Variants in RBFOX1 observed in about 807,000 individuals in gnomAD.
RBFOX1 encodes the protein RNA binding fox-1 homolog 1, also known as RNA binding protein fox-1 homolog 1.
In RBFOX1, 8 loss-of-function variants were observed where a neutral mutation model predicts 57.7. That is an observed-to-expected ratio of 0.14 (90% CI 0.08 to 0.25). RBFOX1 has a LOEUF of 0.25. Ranked by LOEUF, RBFOX1 falls within the 10% of genes least tolerant of loss-of-function variation. The pLI is 1.00. For synonymous variants in RBFOX1, 326 were observed against 222.4 expected, an observed-to-expected ratio of 1.47 and a Z score of -4.15; for missense variants, 611 against 548.5, an observed-to-expected ratio of 1.11 and a Z score of -1.14.
Position 5,816,748 on chromosome 16 carries a change from T to G in RBFOX1, c.319-50555T>G, listed in dbSNP as rs112017058. Among the ~76,000 whole-genome samples, 88 of 152,298 alleles carry G rather than the reference T, an allele frequency of 5.8e-4. 1 individual carries two copies. Among genetic ancestry groups the G allele is most frequent in the African/African-American group, 2.1e-3 (86 of 41,564 alleles). On this transcript the variant is annotated intron_variant, in intron 3 of 19. Transcript: ENST00000641259. The stretch of plus-strand genomic sequence containing the variant: ...GCAATGAGCCATGATCGTCCCACTG[T>G]ACTCTAGCCTGGGTAACAGTGAGAC...
chr16:6,934,757 A>C (rs2077093660), intron 3 of RBFOX1, among the ~76,000 whole-genome samples: 1 of 152,068 alleles, frequency 6.6e-6, no homozygotes, highest in Non-Finnish European at 1.5e-5. Flanking sequence ...GGAGGATCTC[A>C]GAGGGAAAGG....
chr16:5,258,618 C>T (rs1023134618), intron 1 of RBFOX1, among the ~76,000 whole-genome samples: 1 of 152,094 alleles, frequency 6.6e-6, no homozygotes, highest in African/African-American at 2.4e-5. Context: ...TCCATTGTGG[C>T]TTTACTTGAA....
At chr16:7,402,581 T>C (rs1248298713) in intron 4 of RBFOX1, among the ~76,000 whole-genome samples, 1 of 152,194 alleles carries the variant, frequency 6.6e-6, no homozygotes, top group Non-Finnish European at 1.5e-5. Flanking sequence ...AGATGATTAT[T>C]CCTTGGTTTC....
chr16:5,840,622 C>T (rs2151845559), intron 3 of RBFOX1, among the ~76,000 whole-genome samples: 1 of 152,258 alleles, frequency 6.6e-6, no homozygotes, highest in South Asian at 2.1e-4. Context: ...GTATGGGCTT[C>T]ACAGAATGAA....
intron 4 of RBFOX1, among the ~76,000 whole-genome samples, chr16:7,494,293 A>G (rs1323830027): frequency 2.0e-5 from 3 of 152,152 alleles, no homozygotes; most frequent in African/African-American, 7.2e-5. Flanking sequence ...CCAAAGCTCA[A>G]TTCAGTATTT....
At chr16:5,901,953 C>T (rs1478910045) in intron 4 of RBFOX1, among the ~76,000 whole-genome samples, 4 of 152,170 alleles carry the variant, frequency 2.6e-5, no homozygotes, top group East Asian at 1.9e-4. Flanking sequence ...ACTTATCCTA[C>T]GTCTAAACTC....
rs571526793 is a variant in RBFOX1 at position 6,544,281 on chromosome 16, G to A, written c.-63-110322G>A. 1.3e-4 allele frequency among the ~76,000 whole-genome samples: 20 copies of A among 152,284 alleles called. No homozygotes were observed. The East Asian group carries it at 3.7e-3, about 28-fold the overall frequency. ...CCACAGGTGTGGTTGCAAGAAATTAGCCTCATAACTTTGAATGGATTCAAA... is the reference window on the plus strand; with the variant it reads ...CCACAGGTGTGGTTGCAAGAAATTAACCTCATAACTTTGAATGGATTCAAA... On this transcript the variant is annotated intron_variant, in intron 2 of 15. Transcript: ENST00000550418.
At chr16:7,644,087 G>A (rs2063312592) in intron 11 of RBFOX1, among the ~76,000 whole-genome samples, 1 of 152,172 alleles carries the variant, frequency 6.6e-6, no homozygotes, top group Non-Finnish European at 1.5e-5. Flanking sequence ...AGAGAGAGTA[G>A]AAGTAGAAAG....
At chr16:7,645,089 C>G (rs1284653979) in intron 11 of RBFOX1, among the ~76,000 whole-genome samples, 1 of 152,162 alleles carries the variant, frequency 6.6e-6, no homozygotes, top group Non-Finnish European at 1.5e-5. Context: ...CACGTTGTCA[C>G]CATCTTTTTT....
chr16:7,304,238 GA>G (rs2096114909), intron 4 of RBFOX1: 6 of 983,554 alleles, frequency 6.1e-6, no homozygotes, highest in African/African-American at 1.8e-5. Flanking sequence ...GAGAGAGAGA[GA>G]GAGAGAGACA....
At chr16:6,776,647 A>G (rs2079420547) in intron 3 of RBFOX1, among the ~76,000 whole-genome samples, 2 of 152,182 alleles carry the variant, frequency 1.3e-5, no homozygotes, top group South Asian at 2.1e-4. Context: ...TCGGTATGCC[A>G]TCTCTACATA....
chr16:7,513,627 A>T lies in RBFOX1; in HGVS notation c.28-4520A>T, dbSNP rs536338233. On this transcript the variant is annotated intron_variant, in intron 4 of 15. Transcript: ENST00000550418. ...AGTAGCACATCCTCCCTCATTTGTG[A>T]CAAAACTGTCTCCAGTCATTGCCTA... Among the ~76,000 whole-genome samples the T allele has an allele frequency of 7.2e-5, 11 of 152,224 alleles. No homozygotes were observed. In the East Asian group the frequency reaches 2.1e-3, roughly 29 times the overall value.
At chr16:6,450,846 T>TATAC in intron 2 of RBFOX1, among the ~76,000 whole-genome samples, 1 of 60,216 alleles carries the variant, frequency 1.7e-5, no homozygotes, top group African/African-American at 6.4e-5. Flanking sequence ...TGTGTATATA[T>TATAC]ATATATATAT....
At chr16:6,757,090 T>C (rs1349656227) in intron 3 of RBFOX1, among the ~76,000 whole-genome samples, 1 of 151,976 alleles carries the variant, frequency 6.6e-6, no homozygotes, top group Non-Finnish European at 1.5e-5. Flanking sequence ...GATCAAAACC[T>C]CAATGACGTA....
At chr16:5,305,452 C>G (rs1052478725) in intron 1 of RBFOX1, among the ~76,000 whole-genome samples, 1 of 152,086 alleles carries the variant, frequency 6.6e-6, no homozygotes, top group Admixed American at 6.6e-5. Context: ...CTGTTTTCAT[C>G]TCATCTCTAT....
intron 4 of RBFOX1, among the ~76,000 whole-genome samples, chr16:7,443,731 A>T (rs2098787706): frequency 1.3e-5 from 2 of 152,186 alleles, no homozygotes; most frequent in South Asian, 4.1e-4. Flanking sequence ...GTCTTATTCA[A>T]ACCTCTCTAA....
At chr16:6,969,556 G>A (rs2085053559) in intron 3 of RBFOX1, among the ~76,000 whole-genome samples, 1 of 151,844 alleles carries the variant, frequency 6.6e-6, no homozygotes, top group South Asian at 2.1e-4. Flanking sequence ...GCAACAAAAT[G>A]AGACCTCGTC....
rs527624227 is a variant in RBFOX1 at position 7,253,913 on chromosome 16, C to T, written c.27+201815C>T. Among the ~76,000 whole-genome samples the T allele has an allele frequency of 6.6e-5, 10 of 152,230 alleles. 1 individual carries two copies. The highest frequency in any genetic ancestry group is 2.4e-4 in the African/African-American group (10 of 41,538). On this transcript the variant is annotated intron_variant, in intron 4 of 15. Coordinates refer to ENST00000550418, the MANE Select transcript of RBFOX1 (RefSeq NM_018723.4). ...CGTTCATTACCTGAATCTGAAGAGT[C>T]TTTATATAGGAGCTCTCTTGTATCT...
intron 4 of RBFOX1, among the ~76,000 whole-genome samples, chr16:7,070,781 A>G (rs1243930419): frequency 6.6e-6 from 1 of 152,192 alleles, no homozygotes; most frequent in East Asian, 1.9e-4. Context: ...AGGTTTAGCC[A>G]TCCCCCTTCC....
Sources: allele counts gnomAD v4.1 joint callset (sites outside exome capture counted in the v4.1 genomes callset), GRCh38; gene constraint gnomAD v4.1.1; transcripts MANE v1.5; gene names NCBI Gene and HGNC (gene_info 2026-07-23, HGNC 2026-07-21).